The following CD36 variants were observed in gnomAD, a reference collection of about 807,000 sequenced individuals.
CD36 encodes platelet glycoprotein 4.
In CD36, 119 loss-of-function variants were observed where a neutral mutation model predicts 55.2. That is an observed-to-expected ratio of 2.15 (90% CI 1.86 to 2.51). CD36 has a LOEUF of 2.51. CD36 is among the 30% of genes most tolerant of loss of function. CD36 has a pLI of 0.00. For missense variants in CD36, 819 were observed against 555.5 expected, an observed-to-expected ratio of 1.47 and a Z score of -4.77; for synonymous variants, 186 against 193.6, an observed-to-expected ratio of 0.96 and a Z score of 0.33.
intron 1 of CD36, among the ~76,000 whole-genome samples, chr7:80,627,336 A>C (rs1465495550): frequency 2.0e-5 from 3 of 152,090 alleles, no homozygotes; most frequent in African/African-American, 7.2e-5. Flanking sequence ...GGAAACAAGT[A>C]CAAAGAGAGA....
chr7:80,674,240 A>ATATATTTCTAGACATG, intron 14 of CD36, 93 bp downstream of exon 14: 2 of 876,382 alleles, frequency 2.3e-6, no homozygotes, highest in Admixed American at 4.2e-5. Flanking sequence ...ATTAGGCCAT[A>ATATATTTCTAGACATG]TATATTTCTA....
chr7:80,636,363 G>C (rs1476307642), upstream of CD36, among the ~76,000 whole-genome samples: 1 of 151,512 alleles, frequency 6.6e-6, no homozygotes, highest in African/African-American at 2.4e-5. Flanking sequence ...CTTGATTATG[G>C]CAATCATTTT....
chr7:80,678,645 G>A lies in CD36; in HGVS notation c.*2262G>A, dbSNP rs1464921995. The A allele has an allele frequency of 6.6e-6, 1 of 152,176 alleles. No individual in the cohort carries two copies. Among genetic ancestry groups the A allele is most frequent in the Non-Finnish European group, 1.5e-5 (1 of 68,098 alleles). The allele number at this position is 152,176 out of a possible 1,614,324, so 9.4% of individuals were successfully genotyped here. ...GGAGGCAGGTGGATCACGAGGTCAG[G>A]AGATCAAGACCATCCTGGCCAACAT... On this transcript the variant is annotated 3_prime_UTR_variant, in exon 15 of 15. Transcript: ENST00000447544.
At chr7:80,626,879 G>A (rs939800152) in intron 1 of CD36, among the ~76,000 whole-genome samples, 2 of 151,960 alleles carry the variant, frequency 1.3e-5, no homozygotes, top group African/African-American at 4.8e-5. Context: ...ACATGCTAAC[G>A]AGTTCTATTG....
chr7:80,657,401 T>G (rs757047317), intron 4 of CD36, among the ~76,000 whole-genome samples: 27 of 152,222 alleles, frequency 1.8e-4, no homozygotes, highest in Non-Finnish European at 2.8e-4. Context: ...AGTTTCACTC[T>G]TATATTTCCT....
At chr7:80,630,438 T>C (rs1794010437) in intron 1 of CD36, among the ~76,000 whole-genome samples, 1 of 151,950 alleles carries the variant, frequency 6.6e-6, no homozygotes, top group Admixed American at 6.6e-5. Flanking sequence ...AAAAATGAGA[T>C]GTCAAATAGC....
chr7:80,620,853 C>T (rs75808709), intron 1 of CD36, among the ~76,000 whole-genome samples: 1,766 of 152,296 alleles, frequency 0.012, 40 homozygotes, highest in African/African-American at 0.04. Context: ...TAACACCACA[C>T]GTGACAACAA....
At chr7:80,653,223 C>G (rs999675897) in intron 3 of CD36, among the ~76,000 whole-genome samples, 2 of 152,178 alleles carry the variant, frequency 1.3e-5, no homozygotes, top group African/African-American at 4.8e-5. Flanking sequence ...GCTAAACATA[C>G]TTCTGTCTCT....
At chr7:80,672,975 CCAATCATTATTA>C in intron 12 of CD36, 132 bp downstream of exon 12, 1 of 700,006 alleles carries the variant, frequency 1.4e-6, no homozygotes, top group Non-Finnish European at 2.6e-6. Context: ...CTTAATGTCA[CCAATCATTATTA>C]AATGCTTATG....
intron 1 of CD36, among the ~76,000 whole-genome samples, chr7:80,620,954 T>C (rs1793435248): frequency 6.6e-6 from 1 of 152,200 alleles, no homozygotes; most frequent in Non-Finnish European, 1.5e-5. Context: ...CTACTTTGGG[T>C]AAAATGTTAT....
At position 80,678,642 on chromosome 7, in the gene CD36, C is replaced by T. The variant is rs1377567478; in HGVS notation, c.*2259C>T. ...TTGGGAGGCAGGTGGATCACGAGGT[C>T]AGGAGATCAAGACCATCCTGGCCAA... On this transcript the variant is annotated 3_prime_UTR_variant, in exon 15 of 15. Transcript: ENST00000447544. 1 of 152,144 alleles carries T rather than the reference C, an allele frequency of 6.6e-6. No homozygotes were observed. The highest frequency in any genetic ancestry group is 1.5e-5 in the Non-Finnish European group (1 of 68,102). The allele number at this position is 152,144 out of a possible 1,614,324, so 9.4% of individuals were successfully genotyped here.
At chr7:80,649,084 G>A (rs1042339874) in intron 3 of CD36, among the ~76,000 whole-genome samples, 1 of 152,102 alleles carries the variant, frequency 6.6e-6, no homozygotes, top group Admixed American at 6.6e-5. Flanking sequence ...GATAAAACCT[G>A]AATTTAGAGA....
intron 1 of CD36, among the ~76,000 whole-genome samples, chr7:80,640,731 A>G (rs1794751522): frequency 6.6e-6 from 1 of 152,114 alleles, no homozygotes; most frequent in Non-Finnish European, 1.5e-5. Context: ...AACCTACAGT[A>G]ATCCCTGGTT....
chr7:80,675,177 T>C (rs1278795415), intron 14 of CD36, among the ~76,000 whole-genome samples: 1 of 152,118 alleles, frequency 6.6e-6, no homozygotes, highest in African/African-American at 2.4e-5. Context: ...ATCCAAACTA[T>C]TTGGACAGAA....
chr7:80,656,652 T>A lies in CD36; in HGVS notation c.233T>A (p.Met78Lys). 6.2e-7 allele frequency: 1 copy of A among 1,613,860 alleles called. No individual in the cohort carries two copies. Among genetic ancestry groups the A allele is most frequent in the Non-Finnish European group, 8.5e-7 (1 of 1,179,834 alleles). Residue 78 changes from methionine to lysine, a missense_variant, in exon 4 of 15, where the codon ATG becomes AAG. Physicochemically the swap from Met to Lys is moderately conservative, Grantham distance 95. Coordinates refer to ENST00000447544, the MANE Select transcript of CD36 (RefSeq NM_001001548.3). Reference protein sequence around the residue: ...FDVQNPQEVMMNSSNIQVKQR... With the variant: ...FDVQNPQEVMKNSSNIQVKQR... Reference sequence around the variant, plus strand: ...GTGCAAAATCCACAGGAAGTGATGATGAACAGCAGCAACATTCAAGTTAAG... The same window carrying A: ...GTGCAAAATCCACAGGAAGTGATGAAGAACAGCAGCAACATTCAAGTTAAG...
intron 10 of CD36, 40 bp downstream of exon 10, chr7:80,671,204 T>C: frequency 7.5e-7 from 1 of 1,335,370 alleles, no homozygotes; most frequent in Non-Finnish European, 1.1e-6. Flanking sequence ...ATACCATAAT[T>C]TGTGATATTC....
Position 80,678,977 on chromosome 7 carries a change from A to G in CD36, c.*2594A>G, listed in dbSNP as rs969875188. ...TTTCAGTTTTTCTGTTTGAAGTCCAATGTATTAGTGACTCTGTGGCTGCTC... is the reference window on the plus strand; with the variant it reads ...TTTCAGTTTTTCTGTTTGAAGTCCAGTGTATTAGTGACTCTGTGGCTGCTC... On this transcript the variant is annotated 3_prime_UTR_variant, in exon 15 of 15. Transcript: ENST00000447544. 1.3e-5 allele frequency: 2 copies of G among 152,148 alleles called. No individual in the cohort carries two copies. The highest frequency in any genetic ancestry group is 2.9e-5 in the Non-Finnish European group (2 of 68,028). 9.4% of individuals were successfully genotyped at this position (152,148 alleles called of 1,614,324 possible).
intron 7 of CD36, among the ~76,000 whole-genome samples, chr7:80,664,861 A>AAAC (rs1554343535): frequency 1.3e-5 from 2 of 151,668 alleles, no homozygotes; most frequent in South Asian, 2.1e-4. Context: ...GTAAAAAAAA[A>AAAC]AAAAACAACA....
At chr7:80,604,461 C>T (rs1792431099) in intron 1 of CD36, among the ~76,000 whole-genome samples, 1 of 133,004 alleles carries the variant, frequency 7.5e-6, no homozygotes, top group South Asian at 2.5e-4. Flanking sequence ...AAAGTGAATT[C>T]TGATTTGTAT....
Sources: allele counts gnomAD v4.1 joint callset (sites outside exome capture counted in the v4.1 genomes callset), GRCh38; gene constraint gnomAD v4.1.1; transcripts MANE v1.5; gene names NCBI Gene and HGNC (gene_info 2026-07-23, HGNC 2026-07-21).